The following PRDM5 variants were observed in gnomAD, a reference collection of about 807,000 sequenced individuals.
The protein encoded by PRDM5 is PR/SET domain 5.
Under a neutral mutation model 81.2 loss-of-function variants are expected in PRDM5, and 56 were observed. The ratio of observed to expected loss-of-function variants is 0.69; its 90% CI spans 0.56 to 0.86. The LOEUF is 0.86. Among genes scored for constraint, PRDM5 ranks in the 40% least tolerant of loss-of-function variants. PRDM5 has a pLI of 0.00. For synonymous variants in PRDM5, 267 were observed against 256.4 expected, an observed-to-expected ratio of 1.04 and a Z score of -0.39; for missense variants, 697 against 770.1, an observed-to-expected ratio of 0.91 and a Z score of 1.12.
chr4:120,743,305 G>T (rs1742394514), intron 14 of PRDM5, among the ~76,000 whole-genome samples: 1 of 151,764 alleles, frequency 6.6e-6, no homozygotes, highest in Non-Finnish European at 1.5e-5. Flanking sequence ...GGAACAACCG[G>T]TACCAGCCGC....
At chr4:120,910,714 C>T (rs910996370) in intron 1 of PRDM5, among the ~76,000 whole-genome samples, 4 of 152,190 alleles carry the variant, frequency 2.6e-5, no homozygotes, top group African/African-American at 7.2e-5. Flanking sequence ...TTTTGACCTA[C>T]AAAATGAAAG....
At chr4:120,897,838 T>C (rs1034421858) in intron 2 of PRDM5, among the ~76,000 whole-genome samples, 4 of 152,210 alleles carry the variant, frequency 2.6e-5, no homozygotes, top group African/African-American at 9.6e-5. Context: ...CTTCCTCTTT[T>C]TGTCTCATCT....
chr4:120,792,608 C>T (rs1012504761), intron 10 of PRDM5, among the ~76,000 whole-genome samples: 4 of 152,082 alleles, frequency 2.6e-5, no homozygotes, highest in African/African-American at 9.7e-5. Context: ...CAAAGAGACA[C>T]CTACACTCTC....
chr4:120,834,738 T>C (rs897768764), intron 3 of PRDM5, among the ~76,000 whole-genome samples: 2 of 152,098 alleles, frequency 1.3e-5, no homozygotes, highest in African/African-American at 2.4e-5. Context: ...GTGGGCCTCA[T>C]CCAATCAGTG....
intron 15 of PRDM5, among the ~76,000 whole-genome samples, chr4:120,700,141 A>G (rs1735149561): frequency 6.6e-6 from 1 of 152,128 alleles, no homozygotes; most frequent in Non-Finnish European, 1.5e-5. Context: ...AAATAAAGTC[A>G]CACACCTACA....
chr4:120,900,281 G>A (rs1447062957), intron 2 of PRDM5, among the ~76,000 whole-genome samples: 1 of 152,078 alleles, frequency 6.6e-6, no homozygotes, highest in Non-Finnish European at 1.5e-5. Context: ...TCACCACGTG[G>A]TTGCTTCCCC....
At chr4:120,690,351 G>A (rs1176030899), downstream of PRDM5, among the ~76,000 whole-genome samples, 1 of 152,066 alleles carries the variant, frequency 6.6e-6, no homozygotes, top group African/African-American at 2.4e-5. Context: ...TTTGAGAAGG[G>A]CCTCCAATAC....
At chr4:120,768,598 G>A (rs941610343) in intron 13 of PRDM5, among the ~76,000 whole-genome samples, 85 of 152,092 alleles carry the variant, frequency 5.6e-4, no homozygotes, top group African/African-American at 1.9e-3. Context: ...TACTAGATGA[G>A]ATTTGCTACA....
chr4:120,688,127 T>A (rs977604225), downstream of PRDM5, among the ~76,000 whole-genome samples: 8 of 152,148 alleles, frequency 5.3e-5, no homozygotes, highest in Non-Finnish European at 8.8e-5. Context: ...TTTCTTTACA[T>A]CCTCATCAAT....
chr4:120,859,321 C>A (rs1474714999), intron 2 of PRDM5, among the ~76,000 whole-genome samples: 1 of 151,684 alleles, frequency 6.6e-6, no homozygotes, highest in African/African-American at 2.4e-5. Flanking sequence ...AAAAATGATT[C>A]TCCCATGTTA....
At chr4:120,839,051 G>A (rs902073221) in intron 3 of PRDM5, 1 of 576,662 alleles carries the variant, frequency 1.7e-6, no homozygotes, top group East Asian at 2.8e-5. Flanking sequence ...TGACACCAGG[G>A]AACACAGTGG....
chr4:120,746,840 T>C (rs1185853117), intron 14 of PRDM5, among the ~76,000 whole-genome samples: 2 of 145,880 alleles, frequency 1.4e-5, no homozygotes, highest in African/African-American at 2.6e-5. Flanking sequence ...TTGGTGGGAC[T>C]GTAAACTACT....
intron 14 of PRDM5, among the ~76,000 whole-genome samples, chr4:120,751,947 A>G (rs1744071738): frequency 6.6e-6 from 1 of 152,194 alleles, no homozygotes; most frequent in Non-Finnish European, 1.5e-5. Context: ...GGAATTAAAA[A>G]CTTTTAAAAT....
At chr4:120,700,227 A>G (rs538156569) in intron 15 of PRDM5, among the ~76,000 whole-genome samples, 1 of 152,314 alleles carries the variant, frequency 6.6e-6, no homozygotes, top group African/African-American at 2.4e-5. Flanking sequence ...CACCTATTCA[A>G]TAAGCACTGG....
chr4:120,831,360 G>C (rs1756691181), intron 3 of PRDM5, among the ~76,000 whole-genome samples: 1 of 152,036 alleles, frequency 6.6e-6, no homozygotes, highest in African/African-American at 2.4e-5. Flanking sequence ...CTGTCTTCTT[G>C]TTTGCCCACA....
intron 7 of PRDM5, chr4:120,812,819 A>G: frequency 2.8e-6 from 1 of 357,070 alleles, no homozygotes; most frequent in Non-Finnish European, 5.4e-6. Context: ...CTAATACTGT[A>G]TAGTATTAAA....
chr4:120,722,584 A>G (rs1445786972), intron 14 of PRDM5, among the ~76,000 whole-genome samples: 1 of 151,930 alleles, frequency 6.6e-6, no homozygotes, highest in Non-Finnish European at 1.5e-5. Context: ...ACCCCCAGAG[A>G]TTGTGATTTC....
At chr4:120,801,624 G>C (rs577930190) in intron 8 of PRDM5, among the ~76,000 whole-genome samples, 1 of 152,324 alleles carries the variant, frequency 6.6e-6, no homozygotes, top group South Asian at 2.1e-4. Flanking sequence ...GGGATATCTA[G>C]AATCCAAAGA....
intron 14 of PRDM5, among the ~76,000 whole-genome samples, chr4:120,713,388 T>C (rs945611158): frequency 6.6e-6 from 1 of 152,188 alleles, no homozygotes; most frequent in African/African-American, 2.4e-5. Context: ...TTTTTTGTGA[T>C]CCAAAGATTA....
Sources: gnomAD v4.1 joint callset for allele counts (sites outside exome capture counted in the v4.1 genomes callset) on GRCh38, gnomAD v4.1.1 for gene constraint, MANE v1.5 for transcripts, NCBI Gene and HGNC (gene_info 2026-07-23, HGNC 2026-07-21) for gene names.